The following EIF4G3 variants were observed in gnomAD, a reference collection of about 807,000 sequenced individuals.
EIF4G3 encodes the protein eIF-4-gamma 3.
In EIF4G3, 34 loss-of-function variants were observed where a neutral mutation model predicts 186.4. The ratio of observed to expected loss-of-function variants is 0.18; its 90% CI spans 0.14 to 0.24. The LOEUF is 0.24. EIF4G3 is among the 10% of genes least tolerant of loss of function. The pLI, the probability that EIF4G3 is intolerant of heterozygous loss-of-function variation, is 1.00. For synonymous variants in EIF4G3, 673 were observed against 679.5 expected, an observed-to-expected ratio of 0.99 and a Z score of 0.15; for missense variants, 1,536 against 1,948.5, an observed-to-expected ratio of 0.79 and a Z score of 3.99.
intron 3 of EIF4G3, among the ~76,000 whole-genome samples, chr1:21,070,989 T>C (rs1001719114): frequency 1.1e-4 from 17 of 152,218 alleles, no homozygotes; most frequent in Admixed American, 1.3e-4. Flanking sequence ...CTGCATACAA[T>C]AGGTTCTTCA....
At chr1:20,828,087 C>T (rs2064123817) in intron 31 of EIF4G3, among the ~76,000 whole-genome samples, 1 of 137,832 alleles carries the variant, frequency 7.3e-6, no homozygotes. Context: ...GGCTGGAGTG[C>T]AGTGGCGCAA....
chr1:20,806,793 CA>C lies in EIF4G3; in HGVS notation c.*525del, dbSNP rs748803491. 403 of 136,706 alleles carry C rather than the reference CA, an allele frequency of 2.9e-3. No homozygotes were observed. The highest frequency in any genetic ancestry group is 2.8e-3 in the Non-Finnish European group (174 of 62,646). 8.5% of individuals were successfully genotyped at this position (136,706 alleles called of 1,614,324 possible). A position where few individuals can be genotyped will look rare whatever the true frequency, so the allele number is the denominator to read the frequency against. ...AGAGGCAGGCAGAAAGATTTGATGC[CA>C]AAAAAAAAAAAATCTTTCTTACCTT... On this transcript the variant is annotated 3_prime_UTR_variant, in exon 37 of 37. Coordinates refer to ENST00000602326, the MANE Select transcript of EIF4G3 (RefSeq NM_001391906.1).
At chr1:20,850,145 G>A (rs145008852) in intron 28 of EIF4G3, among the ~76,000 whole-genome samples, 341 of 152,088 alleles carry the variant, frequency 2.2e-3, no homozygotes, top group African/African-American at 7.6e-3. Context: ...TGTGTCTTTC[G>A]TGGAATTACT....
In EIF4G3 at chr1:21,066,735, T is replaced by C. The variant is rs565697542; in HGVS notation, c.-195-15741A>G. ...ATTCATGACAACAACTTCATGGCAA[T>C]AATAAATCCATGCCTGGAGATACTA... is the stretch of plus-strand genomic sequence containing the variant. On this transcript the variant is annotated intron_variant, in intron 3 of 36. Transcript: ENST00000602326. Among the ~76,000 whole-genome samples the C allele has an allele frequency of 8.5e-5, 13 of 152,322 alleles. No homozygotes were observed. In the East Asian group the frequency reaches 2.3e-3, roughly 27 times the overall value.
In EIF4G3 at chr1:21,021,714, C is replaced by A. The variant is rs953474911; in HGVS notation, c.-66-18906G>T. 6.6e-5 allele frequency among the ~76,000 whole-genome samples: 10 copies of A among 152,188 alleles called. No individual in the cohort carries two copies. The South Asian group carries it at 1.2e-3, about 19-fold the overall frequency. On this transcript the variant is annotated intron_variant, in intron 4 of 36. Transcript: ENST00000602326. ...GGGACTACAGGCGCGCAGCACAATG[C>A]CTGGCTAATTTTTGTATTTTTAGTA...
At chr1:21,129,807 C>T (rs2097120709) in intron 2 of EIF4G3, among the ~76,000 whole-genome samples, 1 of 151,950 alleles carries the variant, frequency 6.6e-6, no homozygotes, top group African/African-American at 2.4e-5. Context: ...AAGTTTGCTA[C>T]CATTGGCAAG....
At chr1:20,847,979 G>C (rs1392210550) in intron 29 of EIF4G3, 2 of 378,560 alleles carry the variant, frequency 5.3e-6, no homozygotes, top group Non-Finnish European at 1.0e-5. Context: ...CTTTTTTTTT[G>C]TTTGTTTGAG....
At chr1:21,130,709 A>G (rs2097137546) in intron 2 of EIF4G3, among the ~76,000 whole-genome samples, 1 of 152,156 alleles carries the variant, frequency 6.6e-6, no homozygotes, top group Admixed American at 6.6e-5. Flanking sequence ...AGCAATAAAT[A>G]CAACCAGATT....
At chr1:20,882,267 T>C (rs1396624507) in intron 19 of EIF4G3, among the ~76,000 whole-genome samples, 1 of 150,946 alleles carries the variant, frequency 6.6e-6, no homozygotes, top group Non-Finnish European at 1.5e-5. Flanking sequence ...TCCCAACACT[T>C]TGGGAGGCCA....
At chr1:20,856,538 C>T (rs2074952647) in intron 25 of EIF4G3, among the ~76,000 whole-genome samples, 1 of 152,224 alleles carries the variant, frequency 6.6e-6, no homozygotes, top group South Asian at 2.1e-4. Flanking sequence ...TCAACTTTTA[C>T]TGCTGAAAAT....
At chr1:20,817,681 G>GTTT (rs34471464) in intron 33 of EIF4G3, 143 bp from the exon 34 acceptor site, 156 of 149,888 alleles carry the variant, frequency 1.0e-3, no homozygotes, top group South Asian at 4.1e-3. Flanking sequence ...TATGTTTGTA[G>GTTT]TTTTTTTTTT....
Position 21,114,049 on chromosome 1 carries a change from C to T in EIF4G3, c.-271-24836G>A, listed in dbSNP as rs2096774345. Among the ~76,000 whole-genome samples the T allele has an allele frequency of 2.6e-5, 4 of 152,184 alleles. No individual in the cohort carries two copies. In the South Asian group the frequency reaches 8.3e-4, roughly 32 times the overall value. ...TAAATCTTATCTGTTCATATCGCTA[C>T]TGATCTCATCAGAAAAGTCTATTAA... is the stretch of plus-strand genomic sequence containing the variant. On this transcript the variant is annotated intron_variant, in intron 2 of 36. Coordinates refer to ENST00000602326, the MANE Select transcript of EIF4G3 (RefSeq NM_001391906.1).
At position 20,840,906 on chromosome 1, in the gene EIF4G3, G is replaced by C. The variant is rs1399197659; in HGVS notation, c.4011C>G (p.Leu1337=). The change falls in exon 30 of 37, where the codon CTC becomes CTG. Residue 1337 remains leucine, a synonymous_variant. Transcript: ENST00000602326. ...QITRDHMGQL[L]YQLVQSEKLS... is the part of the protein sequence containing the mutation. ...GTTTTTCTGACTGTACCAGCTGATA[G>C]AGTAATTGGCCCATGTGATCCCTGG... is the stretch of plus-strand genomic sequence containing the variant. 5 of 1,614,162 alleles carry C rather than the reference G, an allele frequency of 3.1e-6. No homozygotes were observed. The highest frequency in any genetic ancestry group is 4.2e-6 in the Non-Finnish European group (5 of 1,180,036).
chr1:20,938,971 G>T (rs369992573), intron 14 of EIF4G3, among the ~76,000 whole-genome samples: 2 of 152,112 alleles, frequency 1.3e-5, no homozygotes, highest in South Asian at 2.1e-4. Context: ...GCCAGGCGTG[G>T]TGGCACACGC....
rs2098101645 is a variant in EIF4G3 at position 21,176,226 on chromosome 1, ACCGCTGCCGCCGCCGCCGCCG to A, written c.-344_-324del. On this transcript the variant is annotated 5_prime_UTR_variant, in exon 2 of 37. Coordinates refer to ENST00000602326, the MANE Select transcript of EIF4G3 (RefSeq NM_001391906.1). ...CCTGATGTTCGGGTGAGGAGGGGGGACCGCTGCCGCCGCCGCCGCCGCCGCCGCCGCCGCCGCCGCTGCTGC... is the reference window on the plus strand; with the variant it reads ...CCTGATGTTCGGGTGAGGAGGGGGGACCGCCGCCGCCGCCGCCGCTGCTGC... The A allele has an allele frequency of 1.0e-5, 4 of 400,644 alleles. No homozygotes were observed. Among genetic ancestry groups the A allele is most frequent in the Admixed American group, 4.7e-5 (1 of 21,320 alleles). The allele number at this position is 400,644 out of a possible 1,614,324, so 24.8% of individuals were successfully genotyped here. A position where few individuals can be genotyped will look rare whatever the true frequency, so the allele number is the denominator to read the frequency against.
intron 14 of EIF4G3, among the ~76,000 whole-genome samples, chr1:20,927,267 A>G (rs1167836693): frequency 2.6e-5 from 4 of 152,208 alleles, no homozygotes; most frequent in Non-Finnish European, 5.9e-5. Flanking sequence ...CAAGGAAACA[A>G]TGCAGGAATT....
chr1:20,807,159 C>T lies in EIF4G3; in HGVS notation c.*160G>A. ...TTTACTTTTATCCAGTACCTTTTTC[C>T]TCCATGATCACCTTTTTTTCTCTTT... On this transcript the variant is annotated 3_prime_UTR_variant, in exon 37 of 37. Transcript: ENST00000602326. 1 of 547,400 alleles carries T rather than the reference C, an allele frequency of 1.8e-6. No homozygotes were observed. Among genetic ancestry groups the T allele is most frequent in the Non-Finnish European group, 3.0e-6 (1 of 338,070 alleles). The allele number at this position is 547,400 out of a possible 1,614,324, so 33.9% of individuals were successfully genotyped here.
rs2059067322 is a variant in EIF4G3, at chr1:20,810,674, T to C, written c.4744+64A>G. On this transcript the variant is annotated intron_variant, in intron 36 of 36. Coordinates refer to ENST00000602326, the MANE Select transcript of EIF4G3 (RefSeq NM_001391906.1). This position sits in a 1 kb window ranked among gnomAD's most constrained non-coding sequence, Gnocchi z 4.1. ...CTTTGTTCGAACCCTAAATCATCTC[T>C]AAGTCCTGGCTTGGATAAATCTCAC... The C allele has an allele frequency of 6.4e-7, 1 of 1,554,804 alleles. No homozygotes were observed. Among genetic ancestry groups the C allele is most frequent in the African/African-American group, 1.4e-5 (1 of 73,892 alleles).
Position 20,899,553 on chromosome 1 carries a change from T to G in EIF4G3, c.1999+144A>C, listed in dbSNP as rs970588611. 1.0e-5 allele frequency: 10 copies of G among 998,906 alleles called. No individual in the cohort carries two copies. The African/African-American group carries it at 1.5e-4, about 15-fold the overall frequency. The allele number at this position is 998,906 out of a possible 1,614,324, so 61.9% of individuals were successfully genotyped here. A position where few individuals can be genotyped will look rare whatever the true frequency, so the allele number is the denominator to read the frequency against. On this transcript the variant is annotated intron_variant, in intron 16 of 36. Coordinates refer to ENST00000602326, the MANE Select transcript of EIF4G3 (RefSeq NM_001391906.1). ...CTCTCTGGATTTGCTAGTCACTAAC[T>G]TGGGCTTGCTGATCTGTCCTGTAAA...
Sources: gnomAD v4.1 joint callset for allele counts (sites outside exome capture counted in the v4.1 genomes callset) on GRCh38, gnomAD v4.1.1 for gene constraint, Gnocchi (gnomAD v3.1) non-coding constraint, MANE v1.5 for transcripts, NCBI Gene and HGNC (gene_info 2026-07-23, HGNC 2026-07-21) for gene names.